PDIA5: variants seen among roughly 807,000 people sequenced by gnomAD.
PDIA5 encodes the protein protein disulfide isomerase family A member 5.
PDIA5 carries 58 observed loss-of-function variants against 77.6 expected under a neutral mutation model. The ratio of observed to expected loss-of-function variants is 0.75; its 90% CI spans 0.61 to 0.93. The LOEUF is 0.93. Among genes scored for constraint, PDIA5 ranks in the 40% least tolerant of loss-of-function variants. The pLI is 0.00. For missense variants in PDIA5, 630 were observed against 647.7 expected, an observed-to-expected ratio of 0.97 and a Z score of 0.30; for synonymous variants, 250 against 252.1, an observed-to-expected ratio of 0.99 and a Z score of 0.08.
intron 5 of PDIA5, among the ~76,000 whole-genome samples, chr3:123,104,760 A>C (rs369650048): frequency 2.6e-5 from 4 of 152,194 alleles, no homozygotes; most frequent in African/African-American, 9.6e-5. Context: ...TGATGACCTC[A>C]GGGCCCAGTA....
At chr3:123,156,526 C>T (rs1331317196) in intron 15 of PDIA5, among the ~76,000 whole-genome samples, 1 of 152,192 alleles carries the variant, frequency 6.6e-6, no homozygotes, top group Non-Finnish European at 1.5e-5. Flanking sequence ...CCCACGATAT[C>T]CAGCATGGCC....
chr3:123,102,737 T>C lies in PDIA5; in HGVS notation c.342-14T>C. 6.2e-7 allele frequency: 1 copy of C among 1,600,658 alleles called. No homozygotes were observed. The highest frequency in any genetic ancestry group is 8.6e-7 in the Non-Finnish European group (1 of 1,167,648). ...CATTCTTAAAGTTAACACATTTTTC[T>C]CCTCATTTGACAGGGATGGTGCATT... On this transcript the variant is annotated splice_polypyrimidine_tract_variant and intron_variant, in intron 4 of 16. Transcript: ENST00000316218.
At chr3:123,145,734 A>T in intron 12 of PDIA5, 142 bp downstream of exon 12, 1 of 656,528 alleles carries the variant, frequency 1.5e-6, no homozygotes, top group East Asian at 2.8e-5. Context: ...CCCAAGTAGA[A>T]CATCTTAGAC....
chr3:123,151,027 A>G (rs1030998417), intron 14 of PDIA5, among the ~76,000 whole-genome samples: 2 of 152,234 alleles, frequency 1.3e-5, no homozygotes, highest in African/African-American at 4.8e-5. Flanking sequence ...AGTGAGGATA[A>G]TAAAAGCTGC....
chr3:123,085,952 A>G (rs1324392498), intron 1 of PDIA5, among the ~76,000 whole-genome samples: 1 of 152,250 alleles, frequency 6.6e-6, no homozygotes, highest in Middle Eastern at 3.4e-3. Flanking sequence ...GATAACATGT[A>G]ATAATAATAA....
intron 1 of PDIA5, among the ~76,000 whole-genome samples, chr3:123,083,683 G>A (rs1934067721): frequency 1.3e-5 from 2 of 152,192 alleles, no homozygotes; most frequent in South Asian, 2.1e-4. Context: ...CTTGACAAAG[G>A]AACAGATAGT....
At chr3:123,156,809 G>A (rs957078347) in intron 15 of PDIA5, among the ~76,000 whole-genome samples, 1 of 118,416 alleles carries the variant, frequency 8.4e-6, no homozygotes, top group Non-Finnish European at 1.7e-5. Context: ...AGGGGGCTGG[G>A]GAAACCCTGA....
intron 1 of PDIA5, among the ~76,000 whole-genome samples, chr3:123,079,539 C>A (rs865887466): frequency 6.6e-6 from 1 of 152,092 alleles, no homozygotes; most frequent in African/African-American, 2.4e-5. Flanking sequence ...ATGGCTTATT[C>A]TTCTATTGAG....
At chr3:123,108,683 T>C (rs1934795723) in intron 6 of PDIA5, among the ~76,000 whole-genome samples, 1 of 150,706 alleles carries the variant, frequency 6.6e-6, no homozygotes, top group East Asian at 2.0e-4. Flanking sequence ...GTCAGGAGTT[T>C]GAGACCAGCC....
At position 123,067,595 on chromosome 3, in the gene PDIA5, G is replaced by T. The variant is rs1576427733; in HGVS notation, c.42+389G>T. ...ACCTGTGTGAGTGCGGGGTGGGATG[G>T]GGGTGCTTACTACCTGCACTGCCGG... On this transcript the variant is annotated intron_variant, in intron 1 of 16. Coordinates refer to ENST00000316218, the MANE Select transcript of PDIA5 (RefSeq NM_006810.4). The T allele has an allele frequency of 1.2e-4, 27 of 229,608 alleles. No individual in the cohort carries two copies. The East Asian group carries it at 2.2e-3, about 19-fold the overall frequency. The allele number at this position is 229,608 out of a possible 1,614,324, so 14.2% of individuals were successfully genotyped here.
chr3:123,156,456 GTCCCTCATTGT>G (rs1226283642), intron 15 of PDIA5, among the ~76,000 whole-genome samples: 1 of 152,204 alleles, frequency 6.6e-6, no homozygotes, highest in Admixed American at 6.5e-5. Context: ...CCGTGTCCAT[GTCCCTCATTGT>G]TCCCACCCAC....
intron 1 of PDIA5, 99 bp downstream of exon 1, chr3:123,067,305 C>T: frequency 3.8e-6 from 4 of 1,048,848 alleles, no homozygotes; most frequent in Non-Finnish European, 4.9e-6. Flanking sequence ...GTGCGGGGAG[C>T]TGCCCCGGGG....
intron 1 of PDIA5, among the ~76,000 whole-genome samples, chr3:123,080,281 T>A (rs1288439360): frequency 1.3e-5 from 2 of 152,122 alleles, no homozygotes; most frequent in African/African-American, 2.4e-5. Context: ...CTGAGTTGAG[T>A]GGTCTCAGGA....
intron 1 of PDIA5, among the ~76,000 whole-genome samples, chr3:123,073,512 G>A (rs1223068793): frequency 1.3e-5 from 2 of 152,188 alleles, no homozygotes; most frequent in Non-Finnish European, 2.9e-5. Flanking sequence ...AGGAGCTCCA[G>A]TTCACTGTCC....
chr3:123,089,812 G>A (rs1396374736), intron 2 of PDIA5, among the ~76,000 whole-genome samples: 1 of 152,264 alleles, frequency 6.6e-6, no homozygotes, highest in Non-Finnish European at 1.5e-5. Context: ...TGAATTTGGA[G>A]TGGGCTCTAA....
chr3:123,125,676 T>A (rs1935231928), intron 10 of PDIA5, among the ~76,000 whole-genome samples: 1 of 152,204 alleles, frequency 6.6e-6, no homozygotes, highest in African/African-American at 2.4e-5. Flanking sequence ...AAAATGCACA[T>A]GAAACTAACT....
chr3:123,156,382 C>T (rs1412417337), intron 15 of PDIA5, among the ~76,000 whole-genome samples: 2 of 152,198 alleles, frequency 1.3e-5, no homozygotes, highest in Non-Finnish European at 2.9e-5. Flanking sequence ...GGACCAGAAG[C>T]GTTTTCTCCT....
intron 1 of PDIA5, among the ~76,000 whole-genome samples, chr3:123,077,590 A>G (rs1320234121): frequency 6.6e-6 from 1 of 151,016 alleles, no homozygotes; most frequent in Non-Finnish European, 1.5e-5. Context: ...ACACAACAAT[A>G]TCACCACCAT....
At chr3:123,091,912 G>T (rs1346916296) in intron 2 of PDIA5, among the ~76,000 whole-genome samples, 1 of 152,226 alleles carries the variant, frequency 6.6e-6, no homozygotes, top group African/African-American at 2.4e-5. Flanking sequence ...CTCCTAGGTG[G>T]GGCATCAGGA....
Sources: gnomAD v4.1 joint callset for allele counts (sites outside exome capture counted in the v4.1 genomes callset) on GRCh38, gnomAD v4.1.1 for gene constraint, MANE v1.5 for transcripts, NCBI Gene and HGNC (gene_info 2026-07-23, HGNC 2026-07-21) for gene names.